SORBS2: variants seen among roughly 807,000 people sequenced by gnomAD.
SORBS2 encodes the protein sorbin and SH3 domain containing 2, also known as sorbin and SH3 domain-containing protein 2.
Under a neutral mutation model 97.7 loss-of-function variants are expected in SORBS2, and 46 were observed. The ratio of observed to expected loss-of-function variants is 0.47; its 90% CI spans 0.37 to 0.60. The LOEUF (loss-of-function observed/expected upper bound fraction) is 0.60. Ranked by LOEUF, SORBS2 falls within the 20% of genes least tolerant of loss-of-function variation. The pLI is 0.00. For synonymous variants in SORBS2, 476 were observed against 473.4 expected, an observed-to-expected ratio of 1.01 and a Z score of -0.07; for missense variants, 1,316 against 1,282.3, an observed-to-expected ratio of 1.03 and a Z score of -0.40.
At chr4:185,944,243 C>T (rs72709787) in intron 1 of SORBS2, among the ~76,000 whole-genome samples, 18,416 of 152,220 alleles carry the variant, frequency 0.12, 1,387 homozygotes, top group Middle Eastern at 0.24. Context: ...GCAAGAAATG[C>T]TTTCGGGGCC....
At chr4:185,861,518 T>C (rs2099223750) in intron 1 of SORBS2, among the ~76,000 whole-genome samples, 1 of 151,458 alleles carries the variant, frequency 6.6e-6, no homozygotes, top group Non-Finnish European at 1.5e-5. Flanking sequence ...GCTAACAGAG[T>C]GCTTTAGAGG....
chr4:185,737,649 G>C (rs1211685118), intron 2 of SORBS2, among the ~76,000 whole-genome samples: 1 of 152,196 alleles, frequency 6.6e-6, no homozygotes, highest in African/African-American at 2.4e-5. Flanking sequence ...CAGGCCAGCC[G>C]TGGAGAAGGC....
chr4:185,611,143 C>G (rs2096531511), intron 12 of SORBS2, among the ~76,000 whole-genome samples: 1 of 152,042 alleles, frequency 6.6e-6, no homozygotes, highest in Admixed American at 6.5e-5. Flanking sequence ...AACTTGAGGA[C>G]TTATAATAAC....
chr4:185,673,145 C>A (rs1005962515), intron 4 of SORBS2, among the ~76,000 whole-genome samples: 1 of 152,114 alleles, frequency 6.6e-6, no homozygotes, highest in Non-Finnish European at 1.5e-5. Flanking sequence ...AGAGAGTAGA[C>A]TGGTGGTTGC....
chr4:185,680,810 A>G (rs1489991765), intron 2 of SORBS2, among the ~76,000 whole-genome samples: 1 of 152,058 alleles, frequency 6.6e-6, no homozygotes, highest in Non-Finnish European at 1.5e-5. Flanking sequence ...TCTAAATGAT[A>G]GTCTGTAGGG....
intron 1 of SORBS2, among the ~76,000 whole-genome samples, chr4:185,915,809 C>T (rs1023879550): frequency 4.6e-5 from 7 of 152,048 alleles, no homozygotes; most frequent in Admixed American, 2.0e-4. Flanking sequence ...AGGAACGTAG[C>T]TCTCTAAGAA....
rs1221829929 is a variant in SORBS2 at position 185,591,264 on chromosome 4, A to G, written c.2847-1479T>C. Among the ~76,000 whole-genome samples the G allele has an allele frequency of 4.6e-5, 7 of 152,188 alleles. No homozygotes were observed. The East Asian group carries it at 9.6e-4, about 21-fold the overall frequency. Reference sequence around the variant, plus strand: ...TGGCACCAAAGCCTGAAATTTCAACATTAGAGGCTTCTTCTCCTGTTAAAA... The same window carrying G: ...TGGCACCAAAGCCTGAAATTTCAACGTTAGAGGCTTCTTCTCCTGTTAAAA... On this transcript the variant is annotated intron_variant, in intron 13 of 14. Transcript: ENST00000418609.
intron 1 of SORBS2, among the ~76,000 whole-genome samples, chr4:185,889,875 C>T (rs2099241591): frequency 6.6e-6 from 1 of 152,100 alleles, no homozygotes; most frequent in African/African-American, 2.4e-5. Flanking sequence ...CACAATTCTG[C>T]CAGAATAATT....
At position 185,619,101 on chromosome 4, in the gene SORBS2, A is replaced by G. The variant is rs142146407; in HGVS notation, c.2305-470T>C. Among the ~76,000 whole-genome samples the G allele has an allele frequency of 1.0e-3, 154 of 152,308 alleles. 1 individual carries two copies. The highest frequency in any genetic ancestry group is 1.8e-3 in the Non-Finnish European group (121 of 68,020). ...CATATTAGCAAAAAATATTAGCTCA[A>G]TTATCACTGGGAGGCTGGTTAGTGG... On this transcript the variant is annotated intron_variant, in intron 8 of 14. Transcript: ENST00000418609.
intron 1 of SORBS2, among the ~76,000 whole-genome samples, chr4:185,796,132 C>A (rs962490021): frequency 6.6e-6 from 1 of 152,152 alleles, no homozygotes; most frequent in Non-Finnish European, 1.5e-5. Context: ...TCTCAAACTA[C>A]TGGGCTCAAG....
chr4:185,788,876 C>T (rs566484353), intron 1 of SORBS2, among the ~76,000 whole-genome samples: 27 of 152,296 alleles, frequency 1.8e-4, no homozygotes, highest in African/African-American at 6.0e-4. Context: ...ATCCACTTGG[C>T]CTATTTTAAA....
chr4:185,804,532 A>C (rs1311001846), intron 1 of SORBS2, among the ~76,000 whole-genome samples: 1 of 152,242 alleles, frequency 6.6e-6, no homozygotes, highest in East Asian at 1.9e-4. Flanking sequence ...GAAATAATTT[A>C]AGATTGCAGA....
intron 1 of SORBS2, among the ~76,000 whole-genome samples, chr4:185,945,640 C>T (rs1319520976): frequency 6.6e-6 from 1 of 152,120 alleles, no homozygotes; most frequent in African/African-American, 2.4e-5. Context: ...TTGTTTTTGT[C>T]ATTATTCACT....
At chr4:185,823,032 G>A (rs2099197725) in intron 1 of SORBS2, among the ~76,000 whole-genome samples, 1 of 152,192 alleles carries the variant, frequency 6.6e-6, no homozygotes, top group Non-Finnish European at 1.5e-5. Context: ...TCCACAGGTA[G>A]CTACTCTGTG....
At chr4:185,898,020 G>C (rs759698428) in intron 1 of SORBS2, among the ~76,000 whole-genome samples, 1 of 152,228 alleles carries the variant, frequency 6.6e-6, no homozygotes, top group African/African-American at 2.4e-5. Flanking sequence ...CTGGGCAACA[G>C]AGCAAGACCC....
chr4:185,855,571 T>G (rs563130013), intron 1 of SORBS2, among the ~76,000 whole-genome samples: 24 of 152,290 alleles, frequency 1.6e-4, no homozygotes, highest in African/African-American at 5.8e-4. Context: ...GGTAACAAAT[T>G]TTCTTCTCTG....
intron 2 of SORBS2, among the ~76,000 whole-genome samples, chr4:185,711,097 G>A (rs1022189145): frequency 1.3e-5 from 2 of 152,040 alleles, no homozygotes; most frequent in Non-Finnish European, 2.9e-5. Context: ...AGCCTCTTGA[G>A]TAGCTGGGAG....
At position 185,593,802 on chromosome 4, in the gene SORBS2, G is replaced by A. The variant is rs910090254; in HGVS notation, c.2846+84C>T. 123 of 867,024 alleles carry A rather than the reference G, an allele frequency of 1.4e-4. 1 individual carries two copies. Among genetic ancestry groups the A allele is most frequent in the Middle Eastern group, 1.3e-3 (6 of 4,600 alleles). The allele number at this position is 867,024 out of a possible 1,614,324, so 53.7% of individuals were successfully genotyped here. On this transcript the variant is annotated intron_variant, in intron 13 of 14. Transcript: ENST00000418609. Reference sequence around the variant, plus strand: ...GTTAGTTTGATCTTTCACGTGCAAAGCCATACATCTTACATTTTGGTACAG... The same window carrying A: ...GTTAGTTTGATCTTTCACGTGCAAAACCATACATCTTACATTTTGGTACAG...
intron 1 of SORBS2, among the ~76,000 whole-genome samples, chr4:185,943,118 G>C (rs1162648999): frequency 6.6e-6 from 1 of 152,164 alleles, no homozygotes; most frequent in Non-Finnish European, 1.5e-5. Flanking sequence ...TGGATTAATG[G>C]TGCTTCTAGG....
Sources: gnomAD v4.1 joint callset for allele counts (sites outside exome capture counted in the v4.1 genomes callset) on GRCh38, gnomAD v4.1.1 for gene constraint, MANE v1.5 for transcripts, NCBI Gene and HGNC (gene_info 2026-07-23, HGNC 2026-07-21) for gene names.